SOBP: variants seen among roughly 807,000 people sequenced by gnomAD.
The protein encoded by SOBP is sine oculis-binding protein homolog.
In SOBP, 4 loss-of-function variants were observed where a neutral mutation model predicts 53.6. The observed-to-expected ratio is 0.07, with a 90% CI of 0.04 to 0.17. SOBP has a LOEUF of 0.17. Ranked by LOEUF, SOBP falls within the 10% of genes least tolerant of loss-of-function variation. The probability of loss-of-function intolerance (pLI) is 1.00; values close to 1 mark genes in which losing one functional copy is unlikely to be tolerated. For missense variants in SOBP, 1,088 were observed against 1,204.7 expected (o/e 0.90, Z 1.43); for synonymous variants, 584 against 522.6 (o/e 1.12, Z -1.60).
intron 5 of SOBP, among the ~76,000 whole-genome samples, chr6:107,597,226 A>G (rs958624412): frequency 1.3e-5 from 2 of 152,202 alleles, no homozygotes; most frequent in African/African-American, 4.8e-5. Flanking sequence ...ATATTAAGAT[A>G]TGTGAAATAT....
intron 3 of SOBP, among the ~76,000 whole-genome samples, chr6:107,506,956 C>T (rs1272108569): frequency 6.6e-6 from 1 of 151,858 alleles, no homozygotes; most frequent in Admixed American, 6.6e-5. Context: ...ATCCCACCTA[C>T]TCGGGAGGCC....
chr6:107,584,685 C>T (rs368301734), intron 4 of SOBP, among the ~76,000 whole-genome samples: 1 of 152,118 alleles, frequency 6.6e-6, no homozygotes, highest in South Asian at 2.1e-4. Context: ...TCTTCAATCC[C>T]CCTCTCCTTT....
rs1770838203 is a variant in SOBP at position 107,633,950 on chromosome 6, C to G, written c.1106C>G (p.Pro369Arg). The G allele has an allele frequency of 6.2e-7, 1 of 1,614,224 alleles. No homozygotes were observed. Among genetic ancestry groups the G allele is most frequent in the East Asian group, 2.2e-5 (1 of 44,866 alleles). The change falls in exon 6 of 7, where the codon CCT (proline) becomes CGT (arginine). Residue 369 changes from proline to arginine, a missense_variant. Around this residue, in one of 6 missense-constraint regions of SOBP, gnomAD observed 211 missense variants for 258.9 expected, o/e 0.82. Coordinates refer to ENST00000317357, the MANE Select transcript of SOBP (RefSeq NM_018013.4). ...ATCCCTCCTGTCTCCGTCCAGCCAC[C>G]TGCTAGCATCGGGCCTCCCCTTGGC... Reference protein sequence around the residue: ...PNIPPVSVQPPASIGPPLGVP... With the variant: ...PNIPPVSVQPRASIGPPLGVP...
intron 4 of SOBP, among the ~76,000 whole-genome samples, chr6:107,548,079 T>G (rs1396667923): frequency 6.6e-6 from 1 of 152,002 alleles, no homozygotes; most frequent in Non-Finnish European, 1.5e-5. Context: ...TATGAGGGAT[T>G]TGTGAATCAA....
chr6:107,506,836 A>G (rs930524649), intron 3 of SOBP, among the ~76,000 whole-genome samples: 6 of 152,198 alleles, frequency 3.9e-5, no homozygotes, highest in Non-Finnish European at 8.8e-5. Context: ...CGGGCGGATC[A>G]CCTGAGGTCA....
chr6:107,625,658 C>T (rs1415512906), intron 5 of SOBP, among the ~76,000 whole-genome samples: 2 of 152,150 alleles, frequency 1.3e-5, no homozygotes, highest in African/African-American at 4.8e-5. Context: ...AGATACAACC[C>T]AGGGAGTGAG....
intron 4 of SOBP, among the ~76,000 whole-genome samples, chr6:107,543,379 T>G (rs1265991806): frequency 6.6e-6 from 1 of 152,138 alleles, no homozygotes; most frequent in Non-Finnish European, 1.5e-5. Context: ...TGGCCTAGCA[T>G]TCCAAAAAAA....
chr6:107,533,002 G>A (rs1783876236), intron 3 of SOBP, among the ~76,000 whole-genome samples: 1 of 152,090 alleles, frequency 6.6e-6, no homozygotes, highest in South Asian at 2.1e-4. Flanking sequence ...GTTGAGCCTG[G>A]CGTCTGGTCA....
chr6:107,602,568 T>TAAAAAA (rs71810335), intron 5 of SOBP, among the ~76,000 whole-genome samples: 85 of 102,766 alleles, frequency 8.3e-4, no homozygotes, highest in African/African-American at 2.7e-3. Context: ...TAAGCCGCGT[T>TAAAAAA]AAAAAAAAAA....
Position 107,503,788 on chromosome 6 carries a change from TC to T in SOBP, c.229del (p.Leu77SerfsTer22). Reference sequence around the variant, plus strand: ...GGGAGAGCCGGCAGCACATTTCTGTTCTCAAAGGTAATGACATTTAATGTCC... The same window carrying T: ...GGGAGAGCCGGCAGCACATTTCTGTTTCAAAGGTAATGACATTTAATGTCC... ...DGESRQHISV[L>X]KENSLPKPKL... On this transcript the variant is annotated frameshift_variant, in exon 2 of 7. Coordinates refer to ENST00000317357, the MANE Select transcript of SOBP (RefSeq NM_018013.4). LOFTEE classifies it high-confidence loss of function. 1 of 1,613,996 alleles carries T rather than the reference TC, an allele frequency of 6.2e-7. No individual in the cohort carries two copies. Among genetic ancestry groups the T allele is most frequent in the Non-Finnish European group, 8.5e-7 (1 of 1,180,010 alleles).
At chr6:107,602,242 A>T (rs1260150414) in intron 5 of SOBP, among the ~76,000 whole-genome samples, 1 of 152,230 alleles carries the variant, frequency 6.6e-6, no homozygotes, top group African/African-American at 2.4e-5. Flanking sequence ...AATTATAAGT[A>T]ATCTGCCTTT....
intron 6 of SOBP, among the ~76,000 whole-genome samples, chr6:107,639,529 C>T (rs846958): frequency 0.87 from 131,703 of 152,204 alleles, 57,939 homozygotes; most frequent in Non-Finnish European, 0.95. Context: ...AATGCCAGTT[C>T]TGCAGCTTCT....
chr6:107,552,980 T>C (rs142882845), intron 4 of SOBP, among the ~76,000 whole-genome samples: 56 of 152,226 alleles, frequency 3.7e-4, no homozygotes, highest in African/African-American at 1.3e-3. Flanking sequence ...GGCTTCCCCA[T>C]TTAAATAGTT....
chr6:107,634,836 G>A lies in SOBP; in HGVS notation c.1992G>A (p.Leu664=), dbSNP rs1389343854. 7.1e-7 allele frequency: 1 copy of A among 1,406,650 alleles called. No individual in the cohort carries two copies. The highest frequency in any genetic ancestry group is 9.3e-7 in the Non-Finnish European group (1 of 1,076,854). The allele number at this position is 1,406,650 out of a possible 1,614,324, so 87.1% of individuals were successfully genotyped here. A position where few individuals can be genotyped will look rare whatever the true frequency, so the allele number is the denominator to read the frequency against. ...IDLTVGHRAR[L]HNVIHRALHA... The stretch of plus-strand genomic sequence containing the variant: ...TGACCGTGGGCCACCGAGCCCGGCT[G>A]CACAACGTGATCCACCGCGCGCTGC... The change falls in exon 6 of 7, where the codon CTG becomes CTA. Residue 664 remains leucine (L), a synonymous_variant. Coordinates refer to ENST00000317357, the MANE Select transcript of SOBP (RefSeq NM_018013.4). This position sits in a 1 kb window ranked among gnomAD's most constrained non-coding sequence, Gnocchi z 4.5.
At chr6:107,533,895 A>G (rs1783916581) in intron 4 of SOBP, among the ~76,000 whole-genome samples, 1 of 152,250 alleles carries the variant, frequency 6.6e-6, no homozygotes, top group African/African-American at 2.4e-5. Context: ...TCTTTCCAGC[A>G]GTAGAGTGCA....
At chr6:107,495,159 C>T (rs1782667889) in intron 1 of SOBP, among the ~76,000 whole-genome samples, 1 of 152,210 alleles carries the variant, frequency 6.6e-6, no homozygotes, top group South Asian at 2.1e-4. Flanking sequence ...TAGACTCCCC[C>T]TCTCTAAGCA....
chr6:107,526,009 A>G (rs552056366), intron 3 of SOBP, among the ~76,000 whole-genome samples: 2 of 151,280 alleles, frequency 1.3e-5, no homozygotes, highest in East Asian at 3.9e-4. Context: ...GTGCAATGGC[A>G]CCATCTTGGC....
At chr6:107,562,885 AGTAG>A (rs1188725207) in intron 4 of SOBP, among the ~76,000 whole-genome samples, 4 of 152,242 alleles carry the variant, frequency 2.6e-5, no homozygotes, top group African/African-American at 9.6e-5. Flanking sequence ...GGATAGATGA[AGTAG>A]GTAAGGTAAA....
At chr6:107,533,341 T>A (rs79981729) in intron 3 of SOBP, 118 bp from the exon 4 acceptor site, 1 of 837,144 alleles carries the variant, frequency 1.2e-6, no homozygotes, top group Admixed American at 2.2e-5. Flanking sequence ...AAGCACTTCT[T>A]CTCCAAGGTC....
Sources: allele counts gnomAD v4.1 joint callset (sites outside exome capture counted in the v4.1 genomes callset), GRCh38; gene constraint gnomAD v4.1.1; regional missense constraint gnomAD v4.1.1; non-coding constraint Gnocchi (gnomAD v3.1); transcripts MANE v1.5; gene names NCBI Gene and HGNC (gene_info 2026-07-23, HGNC 2026-07-21).